The following GRHL1 variants were observed in gnomAD, a reference collection of about 807,000 sequenced individuals.
GRHL1 encodes grainyhead-like protein 1 homolog.
A neutral mutation model predicts 75.7 loss-of-function variants in GRHL1; 38 were observed. The ratio of observed to expected loss-of-function variants is 0.50; its 90% CI spans 0.39 to 0.66. The LOEUF (loss-of-function observed/expected upper bound fraction) is 0.66. Among genes scored for constraint, GRHL1 ranks in the 30% least tolerant of loss-of-function variants. The pLI is 0.00. For missense variants in GRHL1, 589 were observed against 767.5 expected (o/e 0.77, Z 2.75); for synonymous variants, 266 against 279.4 (o/e 0.95, Z 0.48).
intron 12 of GRHL1, among the ~76,000 whole-genome samples, chr2:9,995,591 A>G (rs1300383883): frequency 6.9e-6 from 1 of 144,532 alleles, no homozygotes; most frequent in Non-Finnish European, 1.5e-5. Context: ...TCTCACAAAA[A>G]AAAAAAAAAA....
At chr2:9,965,149 T>G in intron 7 of GRHL1, 138 bp from the exon 8 acceptor site, 1 of 555,240 alleles carries the variant, frequency 1.8e-6, no homozygotes, top group Non-Finnish European at 3.2e-6. Flanking sequence ...TTTGAACTTC[T>G]TCTAATCGAA....
intron 8 of GRHL1, among the ~76,000 whole-genome samples, chr2:9,980,573 G>GT (rs1668156242): frequency 6.6e-6 from 1 of 152,174 alleles, no homozygotes; most frequent in Admixed American, 6.5e-5. Context: ...TTTGTGGTTA[G>GT]TTTTTTTCTC....
In GRHL1 at chr2:10,002,025, G is replaced by A. The variant is rs373272909; in HGVS notation, c.*1318G>A. The A allele has an allele frequency of 1.3e-5, 2 of 152,550 alleles. No individual in the cohort carries two copies. The highest frequency in any genetic ancestry group is 4.1e-4 in the South Asian group (2 of 4,826). The allele number at this position is 152,550 out of a possible 1,614,324, so 9.4% of individuals were successfully genotyped here. A position where few individuals can be genotyped will look rare whatever the true frequency, so the allele number is the denominator to read the frequency against. On this transcript the variant is annotated 3_prime_UTR_variant, in exon 16 of 16. Transcript: ENST00000324907. ...ATATGTAATTTTATAACAAAGTCAC[G>A]GGTATCTTTAGGTTCAGGGAACTAG...
At chr2:9,995,361 G>A (rs1668814581) in intron 12 of GRHL1, 2 of 152,314 alleles carry the variant, frequency 1.3e-5, no homozygotes, top group Admixed American at 6.5e-5. Flanking sequence ...GGAGGCCAAG[G>A]TAGGAAGATC....
chr2:9,987,441 G>A lies in GRHL1; in HGVS notation c.1269+1159G>A, dbSNP rs1177585262. ...GACCCTCTGAGCCCAGCTGCTGGAA[G>A]TGTAGGCAGTCACCCCTGCACGGGA... On this transcript the variant is annotated intron_variant, in intron 9 of 15. Coordinates refer to ENST00000324907, the MANE Select transcript of GRHL1 (RefSeq NM_198182.3). The surrounding 1 kb of genome is among the most constrained non-coding windows in gnomAD (Gnocchi z 4.2). Among the ~76,000 whole-genome samples the A allele has an allele frequency of 6.6e-6, 1 of 152,224 alleles. No homozygotes were observed. Among genetic ancestry groups the A allele is most frequent in the Non-Finnish European group, 1.5e-5 (1 of 68,028 alleles).
At position 9,958,821 on chromosome 2, in the gene GRHL1, A is replaced by G; in HGVS notation, c.243A>G (p.Pro81=). The change falls in exon 3 of 16, where the codon CCA becomes CCG. Residue 81 remains proline (P), a synonymous_variant. Coordinates refer to ENST00000324907, the MANE Select transcript of GRHL1 (RefSeq NM_198182.3). The part of the protein sequence containing the change: ...PRERRSSTAK[P]EVEHPEPDHS... ...AGAGAAGGTCATCAACAGCAAAGCC[A>G]GAGGTGGAGCACCCTGAGCCAGATC... The G allele has an allele frequency of 2.5e-6, 4 of 1,613,874 alleles. No homozygotes were observed. The highest frequency in any genetic ancestry group is 3.4e-6 in the Non-Finnish European group (4 of 1,179,756).
At chr2:9,999,219 A>G (rs1669160824) in intron 15 of GRHL1, among the ~76,000 whole-genome samples, 190 bp downstream of exon 15, 1 of 152,220 alleles carries the variant, frequency 6.6e-6, no homozygotes, top group Non-Finnish European at 1.5e-5. Flanking sequence ...TGCCCAGTCC[A>G]GAAGCAGCCA....
intron 8 of GRHL1, 87 bp downstream of exon 8, chr2:9,965,468 T>C (rs79082586): frequency 1.6e-5 from 12 of 738,304 alleles, no homozygotes; most frequent in South Asian, 7.8e-5. Flanking sequence ...TTTTTTTTTT[T>C]CACAGTTTTA....
chr2:9,964,125 G>T, intron 6 of GRHL1, 83 bp downstream of exon 6: 1 of 1,377,306 alleles, frequency 7.3e-7, no homozygotes, highest in Non-Finnish European at 1.0e-6. Flanking sequence ...CTGAATGACC[G>T]CCTGAAATTG....
At position 9,996,302 on chromosome 2, in the gene GRHL1, T is replaced by C; in HGVS notation, c.1592-14T>C. 6.3e-7 allele frequency: 1 copy of C among 1,585,028 alleles called. No individual in the cohort carries two copies. The highest frequency in any genetic ancestry group is 8.7e-7 in the Non-Finnish European group (1 of 1,153,500). On this transcript the variant is annotated splice_polypyrimidine_tract_variant and intron_variant, in intron 13 of 15. Coordinates refer to ENST00000324907, the MANE Select transcript of GRHL1 (RefSeq NM_198182.3). ...CTCTTTTCCCTTCCTTATTCCTGGTTGGGGATTGATTAGTGCTGCTCTACG... is the reference window on the plus strand; with the variant it reads ...CTCTTTTCCCTTCCTTATTCCTGGTCGGGGATTGATTAGTGCTGCTCTACG...
intron 2 of GRHL1, among the ~76,000 whole-genome samples, chr2:9,957,081 A>G (rs1484378621): frequency 6.6e-6 from 1 of 151,228 alleles, no homozygotes; most frequent in Non-Finnish European, 1.5e-5. Flanking sequence ...GCTCACTGCA[A>G]CCTCAACCTC....
In GRHL1 at chr2:9,984,896, T is replaced by TAA. The variant is rs5829244; in HGVS notation, c.1111-1215_1111-1214dup. 3.1e-4 allele frequency among the ~76,000 whole-genome samples: 45 copies of TAA among 142,954 alleles called. No individual in the cohort carries two copies. In the East Asian group the frequency reaches 3.7e-3, roughly 12 times the overall value. 93.8% of individuals were successfully genotyped at this position (142,954 alleles called of 152,430 possible). On this transcript the variant is annotated intron_variant, in intron 8 of 15. Transcript: ENST00000324907. ...GGGCAACATAGTGGAACCCTGTCTC[T>TAA]AAAAAAAAAAAAAATACAAAAATTA...
intron 8 of GRHL1, among the ~76,000 whole-genome samples, chr2:9,975,006 A>T (rs1667886667): frequency 6.6e-6 from 1 of 152,206 alleles, no homozygotes; most frequent in Admixed American, 6.5e-5. Flanking sequence ...TTTGCAAAAG[A>T]TGTTTGATTG....
chr2:9,978,627 C>T (rs554520710), intron 8 of GRHL1, among the ~76,000 whole-genome samples: 2 of 152,304 alleles, frequency 1.3e-5, no homozygotes, highest in Admixed American at 6.5e-5. Context: ...GATGCTGCCT[C>T]GATGAGCACC....
intron 15 of GRHL1, among the ~76,000 whole-genome samples, chr2:9,999,302 TGAG>T (rs1159774886): frequency 6.6e-6 from 1 of 152,256 alleles, no homozygotes; most frequent in East Asian, 1.9e-4. Flanking sequence ...TGATCTGCCT[TGAG>T]GAGATCTTTG....
At chr2:9,979,025 T>C (rs1312753187) in intron 8 of GRHL1, among the ~76,000 whole-genome samples, 1 of 150,752 alleles carries the variant, frequency 6.6e-6, no homozygotes, top group Non-Finnish European at 1.5e-5. Context: ...CCAGATGTAG[T>C]GGTGCGCGCC....
At chr2:9,989,242 G>A (rs1179989001) in intron 9 of GRHL1, among the ~76,000 whole-genome samples, 1 of 152,090 alleles carries the variant, frequency 6.6e-6, no homozygotes, top group Non-Finnish European at 1.5e-5. Context: ...TAAGATCAGT[G>A]GGATTTTTAT....
In GRHL1 at chr2:9,951,905, C is replaced by T; in HGVS notation, c.20+52C>T. 7.6e-7 allele frequency: 1 copy of T among 1,323,988 alleles called. No individual in the cohort carries two copies. Among genetic ancestry groups the T allele is most frequent in the Non-Finnish European group, 9.9e-7 (1 of 1,010,678 alleles). The allele number at this position is 1,323,988 out of a possible 1,614,324, so 82.0% of individuals were successfully genotyped here. The stretch of plus-strand genomic sequence containing the variant: ...CCGCGGGGGGGCCGCGCTGAGGGGC[C>T]GCACCTGCAGCGAGCGAGCCGGGCG... On this transcript the variant is annotated intron_variant, in intron 1 of 15. Coordinates refer to ENST00000324907, the MANE Select transcript of GRHL1 (RefSeq NM_198182.3). The surrounding 1 kb of genome is among the most constrained non-coding windows in gnomAD (Gnocchi z 4.2).
At chr2:9,970,873 G>A (rs1667696237) in intron 8 of GRHL1, among the ~76,000 whole-genome samples, 1 of 152,214 alleles carries the variant, frequency 6.6e-6, no homozygotes, top group Non-Finnish European at 1.5e-5. Context: ...GAGGATTAAA[G>A]TAGAATTTGG....
Sources: gnomAD v4.1 joint callset for allele counts (sites outside exome capture counted in the v4.1 genomes callset) on GRCh38, gnomAD v4.1.1 for gene constraint, Gnocchi (gnomAD v3.1) non-coding constraint, MANE v1.5 for transcripts, NCBI Gene and HGNC (gene_info 2026-07-23, HGNC 2026-07-21) for gene names.